The following SPRED2 variants were observed in gnomAD, a reference collection of about 807,000 sequenced individuals.
The protein encoded by SPRED2 is sprouty-related, EVH1 domain-containing protein 2.
In SPRED2, 47 loss-of-function variants were observed where a neutral mutation model predicts 43.0. The observed-to-expected ratio is 1.09, with a 90% CI of 0.87 to 1.40. The LOEUF is 1.40. Among genes scored for constraint, SPRED2 ranks in the 40% most tolerant of loss-of-function variants. The pLI is 0.00. For synonymous variants in SPRED2, 225 were observed against 225.7 expected, an observed-to-expected ratio of 1.00 and a Z score of 0.03; for missense variants, 561 against 586.4, an observed-to-expected ratio of 0.96 and a Z score of 0.45.
intron 1 of SPRED2, among the ~76,000 whole-genome samples, chr2:65,348,375 T>C (rs7420052): frequency 1.3e-5 from 2 of 152,200 alleles, no homozygotes; most frequent in Non-Finnish European, 2.9e-5. Context: ...TACCAGAATA[T>C]GAATTCCACA....
chr2:65,415,688 C>T (rs558738226), intron 1 of SPRED2, among the ~76,000 whole-genome samples: 1 of 151,890 alleles, frequency 6.6e-6, no homozygotes, highest in African/African-American at 2.4e-5. Flanking sequence ...AAAATAAAAA[C>T]CAGTTATAAT....
At chr2:65,358,430 T>C (rs1674717510) in intron 1 of SPRED2, among the ~76,000 whole-genome samples, 1 of 152,088 alleles carries the variant, frequency 6.6e-6, no homozygotes, top group African/African-American at 2.4e-5. Flanking sequence ...AGAAGAGAGA[T>C]CTACCCTTTT....
intron 1 of SPRED2, among the ~76,000 whole-genome samples, chr2:65,347,352 T>C (rs929256378): frequency 1.3e-5 from 2 of 152,064 alleles, no homozygotes; most frequent in African/African-American, 2.4e-5. Context: ...ACTATGCTCA[T>C]AGGACTAGTT....
At chr2:65,307,249 G>GC (rs1026370481), downstream of SPRED2, among the ~76,000 whole-genome samples, 22 of 152,148 alleles carry the variant, frequency 1.4e-4, no homozygotes, top group African/African-American at 5.3e-4. Flanking sequence ...AGGCTGGAGT[G>GC]CAGTGGCTTG....
chr2:65,326,443 C>G (rs1673619498), intron 4 of SPRED2, among the ~76,000 whole-genome samples: 1 of 152,206 alleles, frequency 6.6e-6, no homozygotes, highest in South Asian at 2.1e-4. Flanking sequence ...TCCTGAGGGC[C>G]TACGTTGGTT....
intron 1 of SPRED2, among the ~76,000 whole-genome samples, chr2:65,404,043 A>G (rs1675964331): frequency 6.6e-6 from 1 of 152,094 alleles, no homozygotes; most frequent in Non-Finnish European, 1.5e-5. Flanking sequence ...CGTCTCTACT[A>G]AAAATACAAA....
chr2:65,420,274 C>T (rs1676393769), intron 1 of SPRED2, among the ~76,000 whole-genome samples: 1 of 149,498 alleles, frequency 6.7e-6, no homozygotes, highest in Non-Finnish European at 1.5e-5. Flanking sequence ...ACTGGAGGGT[C>T]TATAGTTTAT....
downstream of SPRED2, among the ~76,000 whole-genome samples, chr2:65,310,044 C>T (rs778981642): frequency 6.6e-6 from 1 of 152,026 alleles, no homozygotes; most frequent in Non-Finnish European, 1.5e-5. Context: ...GACAGGAGGG[C>T]CCTGTCTTGC....
At chr2:65,409,850 A>G (rs561233366) in intron 1 of SPRED2, among the ~76,000 whole-genome samples, 1 of 151,598 alleles carries the variant, frequency 6.6e-6, no homozygotes, top group South Asian at 2.1e-4. Context: ...CCTGGCCAAT[A>G]TGGTGAAACC....
At chr2:65,369,293 A>C (rs1486329036) in intron 1 of SPRED2, among the ~76,000 whole-genome samples, 2 of 147,394 alleles carry the variant, frequency 1.4e-5, no homozygotes, top group African/African-American at 4.9e-5. Context: ...ATACACACAC[A>C]CATGCACACA....
chr2:65,347,441 C>A (rs186179408), intron 1 of SPRED2, among the ~76,000 whole-genome samples: 1 of 152,244 alleles, frequency 6.6e-6, no homozygotes, highest in Admixed American at 6.5e-5. Context: ...ATCTGTCCCC[C>A]AAAGACAACT....
At chr2:65,365,244 C>T (rs562731100) in intron 1 of SPRED2, among the ~76,000 whole-genome samples, 67 of 152,312 alleles carry the variant, frequency 4.4e-4, no homozygotes, top group Non-Finnish European at 9.0e-4. Context: ...AGGTGGCTTT[C>T]ATTTATAGAA....
chr2:65,384,978 T>TTC (rs1558679122), intron 1 of SPRED2, among the ~76,000 whole-genome samples: 102 of 68,492 alleles, frequency 1.5e-3, no homozygotes, highest in Admixed American at 2.3e-3. Context: ...ACTTCTTCTT[T>TTC]TTTTTTTTTT....
At chr2:65,358,380 A>C (rs773089512) in intron 1 of SPRED2, among the ~76,000 whole-genome samples, 1 of 152,080 alleles carries the variant, frequency 6.6e-6, no homozygotes, top group African/African-American at 2.4e-5. Flanking sequence ...TGGAAGAAAA[A>C]CCCCATGACA....
chr2:65,391,428 C>T (rs758002262), intron 1 of SPRED2, among the ~76,000 whole-genome samples: 11 of 152,124 alleles, frequency 7.2e-5, no homozygotes, highest in South Asian at 2.1e-4. Context: ...TTGCTATGCA[C>T]GTTTTAGGCA....
intron 1 of SPRED2, among the ~76,000 whole-genome samples, chr2:65,383,849 A>G (rs911607877): frequency 3.9e-5 from 6 of 152,218 alleles, no homozygotes; most frequent in Non-Finnish European, 7.3e-5. Flanking sequence ...AGTTATAAAA[A>G]CAGGAAGAAC....
chr2:65,311,919 A>G lies in SPRED2; in HGVS notation c.*1582T>C, dbSNP rs1673080150. 5.1e-6 allele frequency: 5 copies of G among 985,330 alleles called. No individual in the cohort carries two copies. Among genetic ancestry groups the G allele is most frequent in the Non-Finnish European group, 6.0e-6 (5 of 829,868 alleles). The allele number at this position is 985,330 out of a possible 1,614,324, so 61.0% of individuals were successfully genotyped here. A position where few individuals can be genotyped will look rare whatever the true frequency, so the allele number is the denominator to read the frequency against. On this transcript the variant is annotated 3_prime_UTR_variant, in exon 6 of 6. Transcript: ENST00000356388. ...AAGACTGGTGTCCTGTGTGCAATAA[A>G]GAAGGAGTGGGGAAAGGGAGTGGGG...
intron 1 of SPRED2, among the ~76,000 whole-genome samples, chr2:65,387,024 A>G (rs917457585): frequency 1.3e-5 from 2 of 152,118 alleles, no homozygotes; most frequent in Non-Finnish European, 2.9e-5. Flanking sequence ...ATGTTATAGA[A>G]AAACACTTCA....
At chr2:65,429,413 T>C (rs1676627601) in intron 1 of SPRED2, among the ~76,000 whole-genome samples, 1 of 152,048 alleles carries the variant, frequency 6.6e-6, no homozygotes, top group African/African-American at 2.4e-5. Flanking sequence ...AAAAAACAGA[T>C]CAAATTCACC....
Sources: allele counts gnomAD v4.1 joint callset (sites outside exome capture counted in the v4.1 genomes callset), GRCh38; gene constraint gnomAD v4.1.1; transcripts MANE v1.5; gene names NCBI Gene and HGNC (gene_info 2026-07-23, HGNC 2026-07-21).